The following CPNE9 variants were observed in gnomAD, a reference collection of about 807,000 sequenced individuals.
CPNE9 encodes the protein copine-9.
A neutral mutation model predicts 83.0 loss-of-function variants in CPNE9; 59 were observed. The observed-to-expected ratio is 0.71, with a 90% CI of 0.58 to 0.88. The LOEUF (loss-of-function observed/expected upper bound fraction) is 0.88, where lower values mean the gene tolerates loss of function less well. CPNE9 is among the 40% of genes least tolerant of loss of function. The pLI, the probability that CPNE9 is intolerant of heterozygous loss-of-function variation, is 0.00. For synonymous variants in CPNE9, 256 were observed against 273.4 expected, an observed-to-expected ratio of 0.94 and a Z score of 0.63; for missense variants, 619 against 720.8, an observed-to-expected ratio of 0.86 and a Z score of 1.62.
intron 20 of CPNE9, among the ~76,000 whole-genome samples, chr3:9,729,100 A>C (rs1242274644): frequency 1.3e-5 from 2 of 152,178 alleles, no homozygotes; most frequent in East Asian, 3.8e-4. Flanking sequence ...GGGGAGCTTC[A>C]AGAAAGGTAA....
intron 17 of CPNE9, among the ~76,000 whole-genome samples, chr3:9,725,656 G>A (rs373191400): frequency 1.2e-3 from 83 of 71,254 alleles, no homozygotes; most frequent in Middle Eastern, 6.5e-3. Flanking sequence ...GTATATATGT[G>A]TATATATGTA....
intron 19 of CPNE9, 50 bp from the exon 20 acceptor site, chr3:9,727,063 G>GGGGT: frequency 6.3e-7 from 1 of 1,598,698 alleles, no homozygotes; most frequent in African/African-American, 1.3e-5. Flanking sequence ...GGGGCAGCAT[G>GGGGT]GGGTGGGGCT....
At chr3:9,720,206 C>CA (rs918725719) in intron 17 of CPNE9, among the ~76,000 whole-genome samples, 9 of 151,732 alleles carry the variant, frequency 5.9e-5, no homozygotes, top group African/African-American at 2.2e-4. Flanking sequence ...TTTGATTGAA[C>CA]AAAAAATAAG....
At position 9,729,800 on chromosome 3, in the gene CPNE9, G is replaced by C; in HGVS notation, c.*108G>C. The C allele has an allele frequency of 2.1e-6, 3 of 1,445,114 alleles. No homozygotes were observed. Among genetic ancestry groups the C allele is most frequent in the Non-Finnish European group, 2.7e-6 (3 of 1,092,950 alleles). The allele number at this position is 1,445,114 out of a possible 1,614,324, so 89.5% of individuals were successfully genotyped here. ...TGGACTTCACTGGGAGGGCCAACTT[G>C]GAGGATCAGTGCTGGCTGACAAGCC... is the stretch of plus-strand genomic sequence containing the variant. On this transcript the variant is annotated 3_prime_UTR_variant, in exon 21 of 21. Coordinates refer to ENST00000383832, the MANE Select transcript of CPNE9 (RefSeq NM_153635.3).
Position 9,704,202 on chromosome 3 carries a change from G to A in CPNE9, c.68+138G>A. 1 of 817,064 alleles carries A rather than the reference G, an allele frequency of 1.2e-6. No individual in the cohort carries two copies. Among genetic ancestry groups the A allele is most frequent in the Non-Finnish European group, 1.9e-6 (1 of 523,318 alleles). 50.6% of individuals were successfully genotyped at this position (817,064 alleles called of 1,614,324 possible). On this transcript the variant is annotated intron_variant, in intron 1 of 20. Coordinates refer to ENST00000383832, the MANE Select transcript of CPNE9 (RefSeq NM_153635.3). The surrounding 1 kb of genome is among the most constrained non-coding windows in gnomAD (Gnocchi z 7.1). ...GGAAAATCACAGCTGATGACAGGGC[G>A]AGTAGCTGGTGGGATCGAGAAGCGG...
chr3:9,715,834 G>T, intron 13 of CPNE9, 140 bp from the exon 14 acceptor site: 2 of 709,360 alleles, frequency 2.8e-6, no homozygotes, highest in Non-Finnish European at 4.9e-6. Context: ...AAGTTGAACA[G>T]GGTGGGACTG....
At chr3:9,705,554 T>A in intron 5 of CPNE9, 54 bp downstream of exon 5, 1 of 1,594,688 alleles carries the variant, frequency 6.3e-7, no homozygotes, top group Non-Finnish European at 8.6e-7. Flanking sequence ...CACTTAGATG[T>A]GTTCAACGAC....
chr3:9,721,016 C>G (rs2076729207), intron 17 of CPNE9, among the ~76,000 whole-genome samples: 1 of 152,200 alleles, frequency 6.6e-6, no homozygotes, highest in South Asian at 2.1e-4. Flanking sequence ...GCACCTAGAA[C>G]AGTGCCTGCC....
chr3:9,706,327 T>G (rs189584240), intron 7 of CPNE9, among the ~76,000 whole-genome samples: 24 of 151,972 alleles, frequency 1.6e-4, no homozygotes, highest in African/African-American at 5.8e-4. Context: ...TTTCTAAGTC[T>G]GATTCAGCCT....
intron 20 of CPNE9, among the ~76,000 whole-genome samples, chr3:9,727,835 A>G (rs958507274): frequency 2.0e-5 from 3 of 152,236 alleles, no homozygotes; most frequent in Non-Finnish European, 4.4e-5. Context: ...AAAGGCAGGT[A>G]GACTCATTAG....
chr3:9,717,072 T>A lies in CPNE9; in HGVS notation c.899T>A (p.Phe300Tyr). The A allele has an allele frequency of 6.2e-7, 1 of 1,614,198 alleles. No individual in the cohort carries two copies. ...TTCCCCAACAGGACACAGCTGAACT[T>A]CACAGTAGCCATTGACTTCACGGCT... ...DYIKGGTQLN[F>Y]TVAIDFTASN... Residue 300 changes from phenylalanine (F) to tyrosine (Y), a missense_variant, in exon 15 of 21, where the codon TTC (phenylalanine) becomes TAC (tyrosine). Phe to Tyr is a conservative substitution (Grantham distance 22). This residue lies in a region of CPNE9 where 438 missense variants were observed against 562.9 expected (regional missense o/e 0.78). Coordinates refer to ENST00000383832, the MANE Select transcript of CPNE9 (RefSeq NM_153635.3).
intron 17 of CPNE9, among the ~76,000 whole-genome samples, chr3:9,721,255 C>T (rs1314459137): frequency 6.6e-6 from 1 of 152,146 alleles, no homozygotes; most frequent in Admixed American, 6.5e-5. Flanking sequence ...TCTAGCAAGT[C>T]GCCTGTCAGC....
Position 9,727,132 on chromosome 3 carries a change from T to C in CPNE9, c.1422T>C (p.Gly474=), listed in dbSNP as rs1192772871. Residue 474 remains glycine (G), a synonymous_variant, in exon 20 of 21, where the codon GGT becomes GGC. Transcript: ENST00000383832. ...AMFEAMEELD[G]DDVRVSSRGR... Reference sequence around the variant, plus strand: ...CTGCAGCAATGGAAGAGTTGGACGGTGATGATGTGCGCGTGTCCTCTAGGG... The same window carrying C: ...CTGCAGCAATGGAAGAGTTGGACGGCGATGATGTGCGCGTGTCCTCTAGGG... 4 of 1,614,042 alleles carry C rather than the reference T, an allele frequency of 2.5e-6. No homozygotes were observed. In the East Asian group the frequency reaches 8.9e-5, roughly 36 times the overall value.
chr3:9,704,578 T>A lies in CPNE9; in HGVS notation c.69-9T>A, dbSNP rs1295540296. The stretch of plus-strand genomic sequence containing the variant: ...TGATCCACTCTGTCTGTCTGTTGCT[T>A]TTCTCTAGGAACCTGCTAGACCTTG... On this transcript the variant is annotated splice_polypyrimidine_tract_variant and intron_variant, in intron 1 of 20. Coordinates refer to ENST00000383832, the MANE Select transcript of CPNE9 (RefSeq NM_153635.3). This position sits in a 1 kb window ranked among gnomAD's most constrained non-coding sequence, Gnocchi z 7.1. 7.4e-6 allele frequency: 12 copies of A among 1,613,108 alleles called. No individual in the cohort carries two copies. The highest frequency in any genetic ancestry group is 9.3e-6 in the Non-Finnish European group (11 of 1,179,166).
intron 7 of CPNE9, among the ~76,000 whole-genome samples, chr3:9,710,035 A>G (rs1282996763): frequency 6.6e-6 from 1 of 151,922 alleles, no homozygotes; most frequent in Non-Finnish European, 1.5e-5. Context: ...GAGATAAATT[A>G]TACTACATTG....
intron 17 of CPNE9, among the ~76,000 whole-genome samples, chr3:9,722,164 C>CG (rs879324311): frequency 3.4e-4 from 51 of 151,336 alleles, no homozygotes; most frequent in Admixed American, 6.6e-4. Flanking sequence ...TGATCCACCC[C>CG]CCCCCGCCAC....
chr3:9,726,682 G>A lies in CPNE9; in HGVS notation c.1362G>A (p.Met454Ile), dbSNP rs747203362. The A allele has an allele frequency of 1.3e-5, 21 of 1,613,890 alleles. No individual in the cohort carries two copies. The highest frequency in any genetic ancestry group is 1.7e-5 in the Non-Finnish European group (20 of 1,179,944). The change falls in exon 19 of 21, where the codon ATG becomes ATA. Residue 454 changes from methionine (M) to isoleucine (I), a missense_variant. Physicochemically the swap from Met to Ile is conservative, Grantham distance 10 (BLOSUM62 1). Around this residue, in one of 3 missense-constraint regions of CPNE9, gnomAD observed 438 missense variants for 562.9 expected, o/e 0.78. Transcript: ENST00000383832. ...CCCTACAGGCCTCCTCATTGCCCAT[G>A]TCTATCATTATCGTCGGTGTAGGAC... is the stretch of plus-strand genomic sequence containing the variant. ...EAIVSASSLP[M>I]SIIIVGVGPA...
intron 15 of CPNE9, 147 bp from the exon 16 acceptor site, chr3:9,717,882 A>C: frequency 1.5e-6 from 1 of 648,864 alleles, no homozygotes; most frequent in Non-Finnish European, 2.6e-6. Flanking sequence ...ATAAATGAAC[A>C]AATGGATGAT....
At chr3:9,714,834 T>C in intron 10 of CPNE9, 80 bp from the exon 11 acceptor site, 2 of 1,166,260 alleles carry the variant, frequency 1.7e-6, no homozygotes, top group Non-Finnish European at 2.5e-6. Flanking sequence ...GGGGAGATGA[T>C]ATGTGTGTGG....
Sources: gnomAD v4.1 joint callset for allele counts (sites outside exome capture counted in the v4.1 genomes callset) on GRCh38, gnomAD v4.1.1 for gene constraint, gnomAD v4.1.1 regional missense constraint, Gnocchi (gnomAD v3.1) non-coding constraint, MANE v1.5 for transcripts, NCBI Gene and HGNC (gene_info 2026-07-23, HGNC 2026-07-21) for gene names.